The following KCNK3 variants were observed in gnomAD, a reference collection of about 807,000 sequenced individuals.
The protein encoded by KCNK3 is potassium channel subfamily K member 3.
A neutral mutation model predicts 27.3 loss-of-function variants in KCNK3; 9 were observed. That is an observed-to-expected ratio of 0.33 (90% CI 0.20 to 0.57). KCNK3 has a LOEUF of 0.57. Among genes scored for constraint, KCNK3 ranks in the 20% least tolerant of loss-of-function variants. The pLI is 0.87. For missense variants in KCNK3, 391 were observed against 577.7 expected (o/e 0.68, Z 3.31); for synonymous variants, 278 against 273.8 (o/e 1.02, Z -0.15).
chr2:26,697,205 G>A (rs554063187), intron 1 of KCNK3, among the ~76,000 whole-genome samples: 1 of 152,198 alleles, frequency 6.6e-6, no homozygotes, highest in South Asian at 2.1e-4. Flanking sequence ...TCCATTTCAA[G>A]AGCCCATTCC....
intron 1 of KCNK3, among the ~76,000 whole-genome samples, chr2:26,719,834 G>T (rs1274412610): frequency 6.6e-6 from 1 of 152,212 alleles, no homozygotes; most frequent in East Asian, 1.9e-4. Context: ...CAGACTTCAA[G>T]ATGCTCCCTT....
At chr2:26,715,465 A>G (rs1663212890) in intron 1 of KCNK3, among the ~76,000 whole-genome samples, 1 of 152,230 alleles carries the variant, frequency 6.6e-6, no homozygotes, top group South Asian at 2.1e-4. Flanking sequence ...TACAGGACAA[A>G]ATGACAGCCA....
chr2:26,700,766 CCAT>C (rs151248004), intron 1 of KCNK3, among the ~76,000 whole-genome samples: 1,428 of 140,800 alleles, frequency 0.01, 27 homozygotes, highest in African/African-American at 0.036. Context: ...ATCATCATCA[CCAT>C]CATCATCATC....
At chr2:26,699,726 C>T (rs1253058180) in intron 1 of KCNK3, among the ~76,000 whole-genome samples, 1 of 152,170 alleles carries the variant, frequency 6.6e-6, no homozygotes, top group South Asian at 2.1e-4. Flanking sequence ...ACACAGGGAA[C>T]GGACAAGTGT....
chr2:26,722,800 G>A (rs1034909050), intron 1 of KCNK3, among the ~76,000 whole-genome samples: 2 of 152,160 alleles, frequency 1.3e-5, no homozygotes, highest in Admixed American at 6.5e-5. Flanking sequence ...TCACCACATC[G>A]AACTTCATAA....
At chr2:26,703,190 T>C (rs977116776) in intron 1 of KCNK3, among the ~76,000 whole-genome samples, 10 of 152,298 alleles carry the variant, frequency 6.6e-5, no homozygotes, top group Admixed American at 6.5e-4. Context: ...GAATTTCTTC[T>C]TTGAGGGAGC....
intron 1 of KCNK3, among the ~76,000 whole-genome samples, chr2:26,716,545 G>T (rs1213265941): frequency 6.6e-6 from 1 of 152,062 alleles, no homozygotes; most frequent in African/African-American, 2.4e-5. Flanking sequence ...TTTGAAATGG[G>T]CTTTGATGGA....
Position 26,721,999 on chromosome 2 carries a change from G to A in KCNK3, c.284-5668G>A, listed in dbSNP as rs955947118. Among the ~76,000 whole-genome samples, 1 of 152,208 alleles carries A rather than the reference G, an allele frequency of 6.6e-6. No homozygotes were observed. ...GAGACCTGGGGGAAGGACCTCAGAG[G>A]TTCTTGATACTGCACAGGAGCGTTT... On this transcript the variant is annotated intron_variant, in intron 1 of 1. Transcript: ENST00000302909. The surrounding 1 kb of genome is among the most constrained non-coding windows in gnomAD (Gnocchi z 4.3).
At chr2:26,726,118 G>C (rs1056954049) in intron 1 of KCNK3, among the ~76,000 whole-genome samples, 5 of 148,930 alleles carry the variant, frequency 3.4e-5, no homozygotes, top group African/African-American at 1.3e-4. Flanking sequence ...GAGAGAGAGA[G>C]AGAGAGAGAG....
Position 26,727,706 on chromosome 2 carries a change from T to G in KCNK3, c.323T>G (p.Val108Gly), listed in dbSNP as rs1572616044. 1.3e-6 allele frequency: 2 copies of G among 1,535,028 alleles called. No homozygotes were observed. Among genetic ancestry groups the G allele is most frequent in the Non-Finnish European group, 1.8e-6 (2 of 1,139,356 alleles). Reference protein sequence around the residue: ...HAAPSTDGGKVFCMFYALLGI... With the variant: ...HAAPSTDGGKGFCMFYALLGI... ...GCACCCAGCACGGATGGCGGCAAGG[T>G]GTTCTGCATGTTCTACGCGCTGCTG... is the stretch of plus-strand genomic sequence containing the variant. The change falls in exon 2 of 2, where the codon GTG becomes GGG. Residue 108 changes from valine to glycine, a missense_variant. This residue lies in a region of KCNK3 where 158 missense variants were observed against 267.7 expected (regional missense o/e 0.59). Coordinates refer to ENST00000302909, the MANE Select transcript of KCNK3 (RefSeq NM_002246.3).
At chr2:26,720,435 C>G (rs1030175497) in intron 1 of KCNK3, among the ~76,000 whole-genome samples, 1 of 152,150 alleles carries the variant, frequency 6.6e-6, no homozygotes, top group Non-Finnish European at 1.5e-5. Flanking sequence ...GGGAGGCAGG[C>G]CTGGCTCTAG....
intron 1 of KCNK3, among the ~76,000 whole-genome samples, chr2:26,723,647 G>A (rs977009811): frequency 6.6e-6 from 1 of 152,244 alleles, no homozygotes; most frequent in Admixed American, 6.5e-5. Flanking sequence ...CACAAGCTGT[G>A]TGACCTTGAA....
chr2:26,697,187 A>G, intron 1 of KCNK3, among the ~76,000 whole-genome samples: 1 of 152,076 alleles, frequency 6.6e-6, no homozygotes, highest in Middle Eastern at 3.2e-3. Flanking sequence ...TTTTTCACGA[A>G]TTCTTTCTCC....
chr2:26,713,041 T>C (rs1472171124), intron 1 of KCNK3, among the ~76,000 whole-genome samples: 1 of 152,134 alleles, frequency 6.6e-6, no homozygotes, highest in East Asian at 1.9e-4. Flanking sequence ...CCCAACCCAT[T>C]CATCAAGACT....
At position 26,728,942 on chromosome 2, in the gene KCNK3, C is replaced by T; in HGVS notation, c.*374C>T. On this transcript the variant is annotated 3_prime_UTR_variant, in exon 2 of 2. Coordinates refer to ENST00000302909, the MANE Select transcript of KCNK3 (RefSeq NM_002246.3). ...GGACTTCATGTTCCGTGTACGTTTG[C>T]ATCTCTATTTATACCTCTGTCCTGC... 1 of 202,724 alleles carries T rather than the reference C, an allele frequency of 4.9e-6. No homozygotes were observed. The highest frequency in any genetic ancestry group is 9.8e-6 in the Non-Finnish European group (1 of 101,680). 12.6% of individuals were successfully genotyped at this position (202,724 alleles called of 1,614,324 possible). A position where few individuals can be genotyped will look rare whatever the true frequency, so the allele number is the denominator to read the frequency against.
chr2:26,718,652 A>G (rs561804263), intron 1 of KCNK3, among the ~76,000 whole-genome samples: 1 of 152,122 alleles, frequency 6.6e-6, no homozygotes, highest in South Asian at 2.1e-4. Context: ...TCTGTCACCC[A>G]GGCTGGAGTG....
At chr2:26,696,026 G>A (rs1460552310) in intron 1 of KCNK3, among the ~76,000 whole-genome samples, 1 of 152,236 alleles carries the variant, frequency 6.6e-6, no homozygotes, top group East Asian at 1.9e-4. Context: ...GTAGAAAGGG[G>A]CCTTAGTTAG....
chr2:26,726,098 C>A (rs1173975859), intron 1 of KCNK3, among the ~76,000 whole-genome samples: 1 of 108,014 alleles, frequency 9.3e-6, no homozygotes. Flanking sequence ...CACACACACA[C>A]ACACACACAG....
In KCNK3 at chr2:26,730,178, T is replaced by C. The variant is rs966210981; in HGVS notation, c.*1610T>C. 1 of 152,432 alleles carries C rather than the reference T, an allele frequency of 6.6e-6. No homozygotes were observed. The highest frequency in any genetic ancestry group is 2.4e-5 in the African/African-American group (1 of 41,404). 9.4% of individuals were successfully genotyped at this position (152,432 alleles called of 1,614,324 possible). On this transcript the variant is annotated 3_prime_UTR_variant, in exon 2 of 2. Coordinates refer to ENST00000302909, the MANE Select transcript of KCNK3 (RefSeq NM_002246.3). Reference sequence around the variant, plus strand: ...GGGTCTCATGGCAGAAAGGCCAGGATCTGGGGCTCTAGGAATTTGGGAATT... The same window carrying C: ...GGGTCTCATGGCAGAAAGGCCAGGACCTGGGGCTCTAGGAATTTGGGAATT...
Sources: allele counts gnomAD v4.1 joint callset (sites outside exome capture counted in the v4.1 genomes callset), GRCh38; gene constraint gnomAD v4.1.1; regional missense constraint gnomAD v4.1.1; non-coding constraint Gnocchi (gnomAD v3.1); transcripts MANE v1.5; gene names NCBI Gene and HGNC (gene_info 2026-07-23, HGNC 2026-07-21).